Variants in DEPTOR observed in about 807,000 individuals in gnomAD.
DEPTOR encodes DEP domain-containing mTOR-interacting protein.
DEPTOR carries 41 observed loss-of-function variants against 41.6 expected under a neutral mutation model. The ratio of observed to expected loss-of-function variants is 0.98; its 90% CI spans 0.77 to 1.28. DEPTOR has a LOEUF of 1.28. Among genes scored for constraint, DEPTOR ranks in the 50% most tolerant of loss-of-function variants. The pLI is 0.00. For missense variants in DEPTOR, 514 were observed against 527.9 expected (o/e 0.97, Z 0.26); for synonymous variants, 195 against 192.3 (o/e 1.01, Z -0.12).
At chr8:119,991,046 C>CT (rs1296894249) in intron 4 of DEPTOR, among the ~76,000 whole-genome samples, 3 of 17,082 alleles carry the variant, frequency 1.8e-4, no homozygotes, top group South Asian at 2.5e-3. Flanking sequence ...TTCTTTCTTT[C>CT]TTTCTTTCTT....
chr8:119,910,446 CTTATTTT>C (rs1230745446), intron 1 of DEPTOR, among the ~76,000 whole-genome samples: 7 of 151,750 alleles, frequency 4.6e-5, no homozygotes, highest in African/African-American at 1.7e-4. Context: ...TTTTTCAGGC[CTTATTTT>C]TTATTTTTTA....
At chr8:119,989,465 A>C (rs975043509) in intron 4 of DEPTOR, among the ~76,000 whole-genome samples, 1 of 152,056 alleles carries the variant, frequency 6.6e-6, no homozygotes. Flanking sequence ...TCTAGTGTGG[A>C]GGTTCAGGGG....
At chr8:120,017,438 T>C (rs1244623358) in intron 8 of DEPTOR, among the ~76,000 whole-genome samples, 1 of 152,234 alleles carries the variant, frequency 6.6e-6, no homozygotes, top group African/African-American at 2.4e-5. Context: ...TGACATATTC[T>C]ATTAAACCCT....
At chr8:120,002,836 C>T (rs1163231973) in intron 5 of DEPTOR, 141 bp from the exon 6 acceptor site, 2 of 526,672 alleles carry the variant, frequency 3.8e-6, no homozygotes, top group African/African-American at 4.2e-5. Context: ...GGCAGAGCTG[C>T]AACTCAAGTT....
At chr8:119,949,972 G>A (rs1028988366) in intron 3 of DEPTOR, among the ~76,000 whole-genome samples, 2 of 152,094 alleles carry the variant, frequency 1.3e-5, no homozygotes, top group African/African-American at 2.4e-5. Context: ...GAATCACTGC[G>A]ACCAGACTGT....
chr8:119,930,037 T>C, intron 3 of DEPTOR, 99 bp downstream of exon 3: 10 of 1,421,466 alleles, frequency 7.0e-6, no homozygotes, highest in Non-Finnish European at 9.4e-6. Context: ...CTTTTCTATG[T>C]GGGCTGGTTA....
At chr8:120,032,361 A>G (rs1283216901) in intron 8 of DEPTOR, among the ~76,000 whole-genome samples, 1 of 151,874 alleles carries the variant, frequency 6.6e-6, no homozygotes, top group Non-Finnish European at 1.5e-5. Context: ...TGGGCTTAAA[A>G]GGTGCCTGAC....
intron 1 of DEPTOR, among the ~76,000 whole-genome samples, chr8:119,886,754 C>T (rs961754510): frequency 1.3e-5 from 2 of 152,290 alleles, no homozygotes; most frequent in Middle Eastern, 3.4e-3. Context: ...TGTAAAACTA[C>T]GATGCGGGAG....
chr8:119,989,182 A>G lies in DEPTOR; in HGVS notation c.605-12343A>G, dbSNP rs574011438. ...TTTCTTTAAAAATTATTTTAAATAA[A>G]TAGAGACAAGGTCTTACTATGTTGC... is the stretch of plus-strand genomic sequence containing the variant. On this transcript the variant is annotated intron_variant, in intron 4 of 8. Coordinates refer to ENST00000286234, the MANE Select transcript of DEPTOR (RefSeq NM_022783.4). Among the ~76,000 whole-genome samples the G allele has an allele frequency of 3.3e-5, 5 of 152,206 alleles. No homozygotes were observed. The East Asian group carries it at 9.7e-4, about 29-fold the overall frequency.
intron 3 of DEPTOR, among the ~76,000 whole-genome samples, chr8:119,955,202 T>G (rs1828402873): frequency 6.6e-6 from 1 of 152,096 alleles, no homozygotes; most frequent in Non-Finnish European, 1.5e-5. Context: ...GATGCAAATC[T>G]GTTATTAGAC....
chr8:120,049,591 G>C lies in DEPTOR; in HGVS notation c.1117G>C (p.Val373Leu). 6.2e-7 allele frequency: 1 copy of C among 1,613,208 alleles called. No individual in the cohort carries two copies. The highest frequency in any genetic ancestry group is 8.5e-7 in the Non-Finnish European group (1 of 1,179,498). Residue 373 changes from valine (V) to leucine (L), a missense_variant, in exon 9 of 9, where the codon GTC (valine) becomes CTC (leucine). Physicochemically the swap from Val to Leu is conservative, Grantham distance 32 (BLOSUM62 1). Transcript: ENST00000286234. ...TTTCCTTTAGGTCTGTCAGTTTGTCGTCTCTGTCAACGGGCTCAATGTCCT... is the reference window on the plus strand; with the variant it reads ...TTTCCTTTAGGTCTGTCAGTTTGTCCTCTCTGTCAACGGGCTCAATGTCCT... Reference protein sequence around the residue: ...AAGMKVCQFVVSVNGLNVLHV... With the variant: ...AAGMKVCQFVLSVNGLNVLHV...
At chr8:119,928,368 A>G in intron 1 of DEPTOR, 32 bp from the exon 2 acceptor site, 1 of 1,602,608 alleles carries the variant, frequency 6.2e-7, no homozygotes, top group Non-Finnish European at 8.5e-7. Context: ...TGTCATCAGA[A>G]TTTCCAAAGT....
At chr8:119,985,825 T>TC in intron 4 of DEPTOR, among the ~76,000 whole-genome samples, 1 of 106,186 alleles carries the variant, frequency 9.4e-6, no homozygotes, top group Admixed American at 1.1e-4. Context: ...CAACCCCTGC[T>TC]CTTTTTTTTT....
chr8:120,048,023 A>C (rs1256976534), intron 8 of DEPTOR, among the ~76,000 whole-genome samples: 2 of 142,060 alleles, frequency 1.4e-5, no homozygotes, highest in Admixed American at 1.5e-4. Flanking sequence ...ACAGAGGGAG[A>C]CTCCATGTCA....
At chr8:120,029,976 A>G (rs982037059) in intron 8 of DEPTOR, among the ~76,000 whole-genome samples, 1 of 152,146 alleles carries the variant, frequency 6.6e-6, no homozygotes, top group African/African-American at 2.4e-5. Flanking sequence ...GTAATTGCTG[A>G]TCGCTGGGGC....
chr8:119,988,601 G>T (rs1314875558), intron 4 of DEPTOR, among the ~76,000 whole-genome samples: 1 of 152,144 alleles, frequency 6.6e-6, no homozygotes, highest in East Asian at 1.9e-4. Flanking sequence ...TCCTGCCTCA[G>T]CCTCCCGAGT....
intron 1 of DEPTOR, among the ~76,000 whole-genome samples, chr8:119,875,181 T>C (rs765779749): frequency 3.9e-5 from 6 of 152,218 alleles, no homozygotes; most frequent in Non-Finnish European, 5.9e-5. Flanking sequence ...TAATGAAACC[T>C]GTCACGCGGT....
intron 3 of DEPTOR, among the ~76,000 whole-genome samples, chr8:119,938,029 A>G (rs1321009150): frequency 6.6e-6 from 1 of 152,218 alleles, no homozygotes; most frequent in African/African-American, 2.4e-5. Context: ...TCACTTTACA[A>G]AAATTCTTGA....
chr8:120,033,081 CTTTTT>C (rs35161313), intron 8 of DEPTOR, among the ~76,000 whole-genome samples: 22 of 98,946 alleles, frequency 2.2e-4, no homozygotes, highest in Middle Eastern at 5.8e-3. Flanking sequence ...ATATGGAATT[CTTTTT>C]TTTTTTTTTT....
Sources: gnomAD v4.1 joint callset for allele counts (sites outside exome capture counted in the v4.1 genomes callset) on GRCh38, gnomAD v4.1.1 for gene constraint, MANE v1.5 for transcripts, NCBI Gene and HGNC (gene_info 2026-07-23, HGNC 2026-07-21) for gene names.